Variants in KNSTRN observed in about 807,000 individuals in gnomAD.
KNSTRN encodes the protein kinetochore localized astrin (SPAG5) binding protein.
A neutral mutation model predicts 44.7 loss-of-function variants in KNSTRN; 38 were observed. That is an observed-to-expected ratio of 0.85 (90% CI 0.66 to 1.11). The LOEUF (loss-of-function observed/expected upper bound fraction) is 1.11, where lower values mean the gene tolerates loss of function less well. Among genes scored for constraint, KNSTRN ranks in the 50% most tolerant of loss-of-function variants. The pLI, the probability that KNSTRN is intolerant of heterozygous loss-of-function variation, is 0.00. For synonymous variants in KNSTRN, 158 were observed against 148.1 expected (o/e 1.07, Z -0.48); for missense variants, 406 against 375.8 (o/e 1.08, Z -0.66).
intron 4 of KNSTRN, among the ~76,000 whole-genome samples, chr15:40,388,713 C>T (rs1889945088): frequency 6.6e-6 from 1 of 151,200 alleles, no homozygotes; most frequent in Non-Finnish European, 1.5e-5. Flanking sequence ...AAAAAAATGC[C>T]TTTAAGTGGT....
chr15:40,390,284 A>G (rs995229745), intron 6 of KNSTRN, among the ~76,000 whole-genome samples: 2 of 152,252 alleles, frequency 1.3e-5, no homozygotes, highest in Non-Finnish European at 2.9e-5. Context: ...AGTGTGCTTG[A>G]AAGGAACATT....
At chr15:40,389,764 C>T in intron 5 of KNSTRN, 72 bp from the exon 6 acceptor site, 1 of 1,482,570 alleles carries the variant, frequency 6.7e-7, no homozygotes, top group Non-Finnish European at 9.4e-7. Flanking sequence ...TGTCCAAGAG[C>T]AAGGGCAAGA....
chr15:40,390,144 CTCTT>C (rs1889974466), intron 6 of KNSTRN, among the ~76,000 whole-genome samples: 1 of 152,328 alleles, frequency 6.6e-6, no homozygotes, highest in Non-Finnish European at 1.5e-5. Context: ...AGAGGGTTAT[CTCTT>C]TCTTACCTGA....
rs1889970323 is a variant in KNSTRN at position 40,389,925 on chromosome 15, TC to T, written c.683del (p.Pro228GlnfsTer3). 1.9e-6 allele frequency: 3 copies of T among 1,613,548 alleles called. No individual in the cohort carries two copies. In the African/African-American group the frequency reaches 4.0e-5, roughly 22 times the overall value. On this transcript the variant is annotated frameshift_variant, in exon 6 of 9. Transcript: ENST00000249776. LOFTEE classifies it high-confidence loss of function. ...CAATTTTGGAGAGCAAGGGCCTTGATCCAGGTAAGAGACAGCACACAGCTAG... is the reference window on the plus strand; with the variant it reads ...CAATTTTGGAGAGCAAGGGCCTTGATCAGGTAAGAGACAGCACACAGCTAG... The part of the protein sequence containing the change: ...LAILESKGLD[P>X]ALGSETLASR...
chr15:40,384,368 C>T (rs1242594343), intron 2 of KNSTRN: 4 of 428,384 alleles, frequency 9.3e-6, no homozygotes, highest in South Asian at 6.5e-5. Context: ...AGCGAGACTC[C>T]GTCTCAAAAA....
In KNSTRN at chr15:40,389,577, A is replaced by G. The variant is rs1168591553; in HGVS notation, c.557A>G (p.Asn186Ser). 1 of 1,614,004 alleles carries G rather than the reference A, an allele frequency of 6.2e-7. No individual in the cohort carries two copies. The highest frequency in any genetic ancestry group is 1.3e-5 in the African/African-American group (1 of 74,944). The change falls in exon 5 of 9, where the codon AAC becomes AGC. Residue 186 changes from asparagine (N) to serine (S), a missense_variant. Asn to Ser is a conservative substitution (Grantham distance 46). Coordinates refer to ENST00000249776, the MANE Select transcript of KNSTRN (RefSeq NM_033286.4). ...AAGAACCAGCTGTTAGAAGCCGTCA[A>G]CAAGCAGTTGCACCAGAAGTTGACT... ...KDKNQLLEAV[N>S]KQLHQKLTET... is the part of the protein sequence containing the mutation.
Position 40,382,922 on chromosome 15 carries a change from T to C in KNSTRN, c.87T>C (p.Pro29=). The C allele has an allele frequency of 6.2e-7, 1 of 1,612,288 alleles. No homozygotes were observed. The highest frequency in any genetic ancestry group is 8.5e-7 in the Non-Finnish European group (1 of 1,180,016). Residue 29 remains proline, a synonymous_variant, in exon 1 of 9, where the codon CCT becomes CCC. Transcript: ENST00000249776. ...STECDSHPLP[P]SYRKFLFETQ... Reference sequence around the variant, plus strand: ...AGTGCGATTCCCACCCACTTCCGCCTAGCTACCGGAAGTTTCTATTTGAAA... The same window carrying C: ...AGTGCGATTCCCACCCACTTCCGCCCAGCTACCGGAAGTTTCTATTTGAAA...
chr15:40,393,659 G>A lies in KNSTRN; in HGVS notation c.*62G>A. 6.8e-7 allele frequency: 1 copy of A among 1,478,538 alleles called. No homozygotes were observed. The highest frequency in any genetic ancestry group is 9.3e-7 in the Non-Finnish European group (1 of 1,076,922). The allele number at this position is 1,478,538 out of a possible 1,614,324, so 91.6% of individuals were successfully genotyped here. On this transcript the variant is annotated 3_prime_UTR_variant, in exon 9 of 9. Coordinates refer to ENST00000249776, the MANE Select transcript of KNSTRN (RefSeq NM_033286.4). ...TAAAATCTCAGAGGAAGCTACTTAG[G>A]ACATCATCTTGGCCATGATCTTCTG...
Position 40,394,172 on chromosome 15 carries a change from T to C in KNSTRN, c.*575T>C, listed in dbSNP as rs1355939694. The C allele has an allele frequency of 6.6e-6, 1 of 152,210 alleles. No individual in the cohort carries two copies. The highest frequency in any genetic ancestry group is 1.5e-5 in the Non-Finnish European group (1 of 68,050). The allele number at this position is 152,210 out of a possible 1,614,324, so 9.4% of individuals were successfully genotyped here. Reference sequence around the variant, plus strand: ...TAGCAGTAACACCTACATGAAACAATACACCTTGGATCTTTTAATCTAAAT... The same window carrying C: ...TAGCAGTAACACCTACATGAAACAACACACCTTGGATCTTTTAATCTAAAT... On this transcript the variant is annotated 3_prime_UTR_variant, in exon 9 of 9. Transcript: ENST00000249776.
At chr15:40,385,733 C>T (rs1452941070) in intron 2 of KNSTRN, among the ~76,000 whole-genome samples, 1 of 152,170 alleles carries the variant, frequency 6.6e-6, no homozygotes, top group African/African-American at 2.4e-5. Context: ...TGAGATGGTA[C>T]AAGGATTCAG....
chr15:40,384,325 T>G (rs956336898), intron 2 of KNSTRN: 65 of 351,516 alleles, frequency 1.8e-4, no homozygotes, highest in Middle Eastern at 8.9e-4. Flanking sequence ...AGTGAGCCGA[T>G]ATTGCGCCAC....
Position 40,391,510 on chromosome 15 carries a change from C to G in KNSTRN, c.703C>G (p.Leu235Val). The G allele has an allele frequency of 6.2e-7, 1 of 1,613,922 alleles. No homozygotes were observed. The highest frequency in any genetic ancestry group is 1.1e-5 in the South Asian group (1 of 91,064). The change falls in exon 7 of 9, where the codon CTG (leucine) becomes GTG (valine). Residue 235 changes from leucine (L) to valine (V), a missense_variant. Leu to Val is a conservative substitution (Grantham distance 32). Transcript: ENST00000249776. ...GLDPALGSETLASRQESTTDH... is the reference protein window; with the variant it reads ...GLDPALGSETVASRQESTTDH... ...TCCATCAGCTTTAGGCAGTGAGACC[C>G]TGGCATCACGACAAGAATCCACTAC...
chr15:40,389,202 G>A, intron 4 of KNSTRN: 2 of 472,170 alleles, frequency 4.2e-6, no homozygotes, highest in South Asian at 3.1e-5. Flanking sequence ...AGGCTGGAGT[G>A]CAATGGCGCA....
At chr15:40,389,786 C>A (rs1228622286) in intron 5 of KNSTRN, 50 bp from the exon 6 acceptor site, 3 of 1,566,680 alleles carry the variant, frequency 1.9e-6, no homozygotes, top group Admixed American at 3.3e-5. Flanking sequence ...AGGGCAACCA[C>A]CCCTAGGGAG....
Position 40,393,548 on chromosome 15 carries a change from AT to A in KNSTRN, c.903del (p.Asn301LysfsTer3), listed in dbSNP as rs1205413472. 1 of 1,614,102 alleles carries A rather than the reference AT, an allele frequency of 6.2e-7. No homozygotes were observed. The highest frequency in any genetic ancestry group is 8.5e-7 in the Non-Finnish European group (1 of 1,179,998). On this transcript the variant is annotated frameshift_variant, in exon 9 of 9. Coordinates refer to ENST00000249776, the MANE Select transcript of KNSTRN (RefSeq NM_033286.4). LOFTEE classifies it high-confidence loss of function. ...CAAACCTTATGTAACAATCAAGTAA[AT>A]GATTTAACAACAGCCCTTAAGGAAA... ...EQQTLCNNQV[N>X]DLTTALKEME...
rs1053668390 is a variant in KNSTRN at position 40,387,040 on chromosome 15, C to T, written c.438-119C>T. The stretch of plus-strand genomic sequence containing the variant: ...TCTCTCAGAGCTCTTAAGCTTGTGC[C>T]ATTTGCCTTTTATGTCTGGTTCTTT... On this transcript the variant is annotated intron_variant, in intron 3 of 8. Transcript: ENST00000249776. The T allele has an allele frequency of 1.3e-4, 95 of 749,592 alleles. 1 individual carries two copies. The East Asian group carries it at 2.1e-3, about 17-fold the overall frequency. The allele number at this position is 749,592 out of a possible 1,614,324, so 46.4% of individuals were successfully genotyped here. A position where few individuals can be genotyped will look rare whatever the true frequency, so the allele number is the denominator to read the frequency against.
At chr15:40,391,018 C>T (rs1220051104) in intron 6 of KNSTRN, among the ~76,000 whole-genome samples, 1 of 152,134 alleles carries the variant, frequency 6.6e-6, no homozygotes, top group Non-Finnish European at 1.5e-5. Context: ...TGGCCTCCAA[C>T]TCCTGGGCTC....
intron 4 of KNSTRN, among the ~76,000 whole-genome samples, chr15:40,387,869 A>C (rs539730346): frequency 6.6e-6 from 1 of 152,096 alleles, no homozygotes; most frequent in Admixed American, 6.6e-5. Flanking sequence ...TTAGCCAGGC[A>C]TGGTGGCGCA....
At chr15:40,392,427 G>A (rs1007762220) in intron 8 of KNSTRN, among the ~76,000 whole-genome samples, 4 of 152,246 alleles carry the variant, frequency 2.6e-5, no homozygotes, top group Admixed American at 2.6e-4. Context: ...GGTGGCTCAC[G>A]CCTATAATCC....
Sources: gnomAD v4.1 joint callset for allele counts (sites outside exome capture counted in the v4.1 genomes callset) on GRCh38, gnomAD v4.1.1 for gene constraint, MANE v1.5 for transcripts, NCBI Gene and HGNC (gene_info 2026-07-23, HGNC 2026-07-21) for gene names.